Variants in CLEC2A observed in about 807,000 individuals in gnomAD.
CLEC2A encodes keratinocyte-associated C-type lectin.
A neutral mutation model predicts 18.6 loss-of-function variants in CLEC2A; 19 were observed. The ratio of observed to expected loss-of-function variants is 1.02; its 90% CI spans 0.71 to 1.50. The LOEUF is 1.50. CLEC2A is among the 40% of genes most tolerant of loss of function. The pLI is 0.00. For missense variants in CLEC2A, 190 were observed against 207.9 expected (o/e 0.91, Z 0.53); for synonymous variants, 74 against 64.0 (o/e 1.16, Z -0.75).
intron 4 of CLEC2A, among the ~76,000 whole-genome samples, chr12:9,905,802 G>A (rs1021719189): frequency 4.6e-5 from 7 of 152,082 alleles, no homozygotes; most frequent in African/African-American, 1.7e-4. Context: ...CCAAGCTTAG[G>A]TATAATATTT....
chr12:9,913,736 G>T (rs1863024183), intron 4 of CLEC2A, 56 bp from the exon 5 acceptor site: 1 of 1,129,782 alleles, frequency 8.9e-7, no homozygotes, highest in African/African-American at 1.6e-5. Context: ...TAATCAAAAA[G>T]ACAATTAATA....
In CLEC2A at chr12:9,916,739, T is replaced by C; in HGVS notation, c.371A>G (p.Asp124Gly). 1 of 1,551,234 alleles carries C rather than the reference T, an allele frequency of 6.4e-7. No individual in the cohort carries two copies. The highest frequency in any genetic ancestry group is 2.4e-5 in the East Asian group (1 of 40,872). Residue 124 changes from aspartate to glycine, a missense_variant, in exon 4 of 5, where the codon GAT (aspartate) becomes GGT (glycine). By Grantham distance (94) the Asp-to-Gly change is moderately conservative (BLOSUM62 -1). Transcript: ENST00000455827. ...GGTGCCATTTGTCCATTTCCAAGAA[T>C]CTCCTTGTTTCCTGCTTAGTCCAAT... is the stretch of plus-strand genomic sequence containing the variant. Reference protein sequence around the residue: ...HWIGLSRKQGDSWKWTNGTTF... With the variant: ...HWIGLSRKQGGSWKWTNGTTF...
intron 1 of CLEC2A, among the ~76,000 whole-genome samples, chr12:9,930,492 G>A (rs580150): frequency 0.08 from 12,172 of 151,802 alleles, 673 homozygotes; most frequent in South Asian, 0.3. Context: ...TAGTTCTCTC[G>A]TCTTTTCTAA....
chr12:9,882,777 T>C, the CLEC2A span, among the ~76,000 whole-genome samples: 3 of 110,858 alleles, frequency 2.7e-5, no homozygotes, highest in Non-Finnish European at 6.4e-5. Flanking sequence ...CAAGACTCCA[T>C]ATATAAAAAA....
At chr12:9,918,237 A>C (rs1334239696) in intron 3 of CLEC2A, among the ~76,000 whole-genome samples, 1 of 152,088 alleles carries the variant, frequency 6.6e-6, no homozygotes, top group African/African-American at 2.4e-5. Flanking sequence ...TTGGGGTTTT[A>C]CATTTAGGTC....
chr12:9,885,409 G>A, the CLEC2A span, among the ~76,000 whole-genome samples: 1 of 151,654 alleles, frequency 6.6e-6, no homozygotes. Flanking sequence ...TCCTGAAGTG[G>A]TACTTATATG....
At chr12:9,929,737 A>G (rs1051452544) in intron 1 of CLEC2A, among the ~76,000 whole-genome samples, 7 of 151,968 alleles carry the variant, frequency 4.6e-5, no homozygotes, top group African/African-American at 1.7e-4. Context: ...CTTTGTTTGG[A>G]AATCAAAAAG....
chr12:9,893,291 T>A, the CLEC2A span: 1 of 895,746 alleles, frequency 1.1e-6, no homozygotes, highest in Non-Finnish European at 1.6e-6. Flanking sequence ...CACAATGTAG[T>A]CACTATTGTT....
downstream of CLEC2A, among the ~76,000 whole-genome samples, chr12:9,897,051 G>A (rs1862764570): frequency 6.6e-6 from 1 of 151,932 alleles, no homozygotes; most frequent in South Asian, 2.1e-4. Context: ...GTAGAGACGA[G>A]GTTTCACCAT....
rs901656681 is a variant in CLEC2A at position 9,931,716 on chromosome 12, G to C, written c.55+559C>G. ...TGTCTTTATCTTAAAGTTTTGGCAGGCTTCCTATTCCAGTCATTTGGCATA... is the reference window on the plus strand; with the variant it reads ...TGTCTTTATCTTAAAGTTTTGGCAGCCTTCCTATTCCAGTCATTTGGCATA... On this transcript the variant is annotated intron_variant, in intron 1 of 4. Transcript: ENST00000455827. Among the ~76,000 whole-genome samples the C allele has an allele frequency of 3.3e-5, 5 of 152,058 alleles. No individual in the cohort carries two copies. In the East Asian group the frequency reaches 5.8e-4, roughly 18 times the overall value.
chr12:9,906,270 G>T lies in CLEC2A; in HGVS notation c.411-7294C>A, dbSNP rs539926907. On this transcript the variant is annotated intron_variant, in intron 4 of 4. Transcript: ENST00000339766. The stretch of plus-strand genomic sequence containing the variant: ...TTGATTAATTTTTCCTTTTCATTGG[G>T]AGAGATAATGGGGACTGCAATAGGG... Among the ~76,000 whole-genome samples, 12 of 152,182 alleles carry T rather than the reference G, an allele frequency of 7.9e-5. No individual in the cohort carries two copies. In the South Asian group the frequency reaches 8.3e-4, roughly 11 times the overall value.
At position 9,926,625 on chromosome 12, in the gene CLEC2A, G is replaced by T. The variant is rs549606509; in HGVS notation, c.56-282C>A. On this transcript the variant is annotated intron_variant, in intron 1 of 4. Coordinates refer to ENST00000455827, the MANE Select transcript of CLEC2A (RefSeq NM_001130711.2). ...GAAAGGAAAGTTTACTTAAAAGGTA[G>T]AAATAGTTTGAATGGGGGATTTTAA... is the stretch of plus-strand genomic sequence containing the variant. Among the ~76,000 whole-genome samples the T allele has an allele frequency of 5.3e-5, 8 of 152,236 alleles. No homozygotes were observed. In the East Asian group the frequency reaches 5.8e-4, roughly 11 times the overall value.
chr12:9,881,599 G>C, the CLEC2A span: 2 of 1,531,268 alleles, frequency 1.3e-6, no homozygotes, highest in East Asian at 4.9e-5. Context: ...TGAAGAGATG[G>C]AGAATGAAGA....
intron 3 of CLEC2A, among the ~76,000 whole-genome samples, chr12:9,917,147 T>C (rs940877319): frequency 1.3e-5 from 2 of 152,226 alleles, no homozygotes; most frequent in African/African-American, 4.8e-5. Flanking sequence ...AAATCTATTA[T>C]GTGATGGCTT....
intron 4 of CLEC2A, among the ~76,000 whole-genome samples, chr12:9,905,064 T>C (rs1362622387): frequency 1.3e-5 from 2 of 152,174 alleles, no homozygotes; most frequent in African/African-American, 4.8e-5. Context: ...AAGGGATGAT[T>C]AGTTTGAGTC....
Position 9,926,347 on chromosome 12 carries a change from CAAATT to C in CLEC2A, c.56-9_56-5del, listed in dbSNP as rs56159144. On this transcript the variant is annotated splice_polypyrimidine_tract_variant and splice_region_variant and intron_variant, in intron 1 of 4. Coordinates refer to ENST00000455827, the MANE Select transcript of CLEC2A (RefSeq NM_001130711.2). ...CAGTTTTGTATCAACTTGGGAACTGCAAATTAAATCAACACATATTTTACAATTTC... is the reference window on the plus strand; with the variant it reads ...CAGTTTTGTATCAACTTGGGAACTGCAAATCAACACATATTTTACAATTTC... 0.085 allele frequency: 128,910 copies of C among 1,518,594 alleles called. 5,810 individuals are homozygous for C. Among genetic ancestry groups the C allele is most frequent in the Non-Finnish European group, 0.093 (104,037 of 1,117,072 alleles). 94.1% of individuals were successfully genotyped at this position (1,518,594 alleles called of 1,614,324 possible). A position where few individuals can be genotyped will look rare whatever the true frequency, so the allele number is the denominator to read the frequency against.
the CLEC2A span, among the ~76,000 whole-genome samples, chr12:9,890,744 G>A: frequency 2.6e-5 from 4 of 152,128 alleles, no homozygotes; most frequent in Non-Finnish European, 4.4e-5. Context: ...TCATCTTGCT[G>A]TCTAACATAA....
In CLEC2A at chr12:9,899,717, T is replaced by C. The variant is rs12228770; in HGVS notation, c.411-741A>G. ...ACCTATGTCTCTTTCCCACCTACTG[T>C]CAGTAGCCTTGGAGTTCCCTAGACC... On this transcript the variant is annotated intron_variant, in intron 4 of 4. Transcript: ENST00000339766. Among the ~76,000 whole-genome samples, 15 of 152,324 alleles carry C rather than the reference T, an allele frequency of 9.8e-5. No homozygotes were observed. The East Asian group carries it at 2.9e-3, about 29-fold the overall frequency.
intron 2 of CLEC2A, among the ~76,000 whole-genome samples, chr12:9,925,282 A>G (rs1179122326): frequency 6.6e-6 from 1 of 152,224 alleles, no homozygotes; most frequent in East Asian, 1.9e-4. Context: ...TTGCATTCCA[A>G]CTAATAGAAA....
Sources: allele counts gnomAD v4.1 joint callset (sites outside exome capture counted in the v4.1 genomes callset), GRCh38; gene constraint gnomAD v4.1.1; transcripts MANE v1.5; gene names NCBI Gene and HGNC (gene_info 2026-07-23, HGNC 2026-07-21).